ERAP1: variants seen among roughly 807,000 people sequenced by gnomAD.
ERAP1 encodes the protein endoplasmic reticulum aminopeptidase 1.
ERAP1 carries 86 observed loss-of-function variants against 103.7 expected under a neutral mutation model. The ratio of observed to expected loss-of-function variants is 0.83; its 90% CI spans 0.70 to 0.99. ERAP1 has a LOEUF of 0.99. ERAP1 is among the 50% of genes least tolerant of loss of function. The probability of loss-of-function intolerance (pLI) is 0.00; values close to 1 mark genes in which losing one functional copy is unlikely to be tolerated. For missense variants in ERAP1, 1,009 were observed against 1,128.4 expected (o/e 0.89, Z 1.52); for synonymous variants, 398 against 402.4 (o/e 0.99, Z 0.13).
the ERAP1 span, chr5:96,900,308 CCA>C: frequency 7.1e-7 from 1 of 1,410,996 alleles, no homozygotes; most frequent in South Asian, 1.7e-5. Flanking sequence ...AAGAGAGCCC[CCA>C]CGATTTTCTC....
At position 96,803,443 on chromosome 5, in the gene ERAP1, A is replaced by T. The variant is rs1488119213; in HGVS notation, c.484T>A (p.Phe162Ile). 1 of 1,612,672 alleles carries T rather than the reference A, an allele frequency of 6.2e-7. No homozygotes were observed. Among genetic ancestry groups the T allele is most frequent in the Non-Finnish European group, 8.5e-7 (1 of 1,179,712 alleles). Residue 162 changes from phenylalanine to isoleucine, a missense_variant, in exon 2 of 19, where the codon TTT (phenylalanine) becomes ATT (isoleucine). Phe to Ile is a conservative substitution (Grantham distance 21). Transcript: ENST00000443439. ...AGNLSETFHG[F>I]YKSTYRTKEG... The stretch of plus-strand genomic sequence containing the variant: ...TTGGTTCTGTAGGTGCTTTTGTAAA[A>T]TCCGTGGAAAGTCTCCGAAAGATTG...
At chr5:96,855,488 G>A in the ERAP1 span, among the ~76,000 whole-genome samples, 1 of 152,174 alleles carries the variant, frequency 6.6e-6, no homozygotes, top group South Asian at 2.1e-4. Context: ...ACCCAGGTGG[G>A]TGGGCAGCAG....
chr5:96,910,379 TAA>T, the ERAP1 span: 2 of 152,112 alleles, frequency 1.3e-5, no homozygotes, highest in East Asian at 3.8e-4. Context: ...TTCTTCTTTT[TAA>T]AAAAGTAATT....
chr5:96,850,171 C>A, the ERAP1 span, among the ~76,000 whole-genome samples: 8 of 152,100 alleles, frequency 5.3e-5, no homozygotes, highest in African/African-American at 1.9e-4. Context: ...GGAAAAGCTA[C>A]CCATTGGTCT....
the ERAP1 span, among the ~76,000 whole-genome samples, chr5:96,817,888 C>G: frequency 2.1e-3 from 323 of 152,320 alleles, 1 homozygote; most frequent in Non-Finnish European, 3.6e-3. Context: ...AATCTAGGAG[C>G]AAGGAGTCTG....
chr5:96,821,664 A>C, the ERAP1 span, among the ~76,000 whole-genome samples: 3 of 152,238 alleles, frequency 2.0e-5, no homozygotes, highest in African/African-American at 7.2e-5. Flanking sequence ...TATGTAGTCA[A>C]AGAAAGAGAC....
At chr5:96,877,171 C>T in the ERAP1 span, among the ~76,000 whole-genome samples, 1 of 152,132 alleles carries the variant, frequency 6.6e-6, no homozygotes, top group East Asian at 1.9e-4. Flanking sequence ...GGTAGGGTTT[C>T]ACCATGTTGG....
In ERAP1 at chr5:96,785,651, G is replaced by A. The variant is rs113070375; in HGVS notation, c.1943+137C>T. The A allele has an allele frequency of 4.6e-6, 4 of 877,388 alleles. No homozygotes were observed. The Admixed American group carries it at 6.6e-5, about 14-fold the overall frequency. 54.4% of individuals were successfully genotyped at this position (877,388 alleles called of 1,614,324 possible). ...ATTATAAGACTAAAAGCAATCTTGG[G>A]TTGTTAGAAGAACTTAAAGGAAAAC... On this transcript the variant is annotated intron_variant, in intron 13 of 18. Transcript: ENST00000443439.
the ERAP1 span, among the ~76,000 whole-genome samples, chr5:96,860,036 C>T: frequency 2.0e-5 from 3 of 152,058 alleles, no homozygotes; most frequent in Non-Finnish European, 4.4e-5. Context: ...TACATATTGT[C>T]TATCAATCTG....
the ERAP1 span, among the ~76,000 whole-genome samples, chr5:96,929,586 A>T: frequency 6.6e-6 from 1 of 151,672 alleles, no homozygotes; most frequent in Non-Finnish European, 1.5e-5. Flanking sequence ...GCTCACTGCA[A>T]CCTCTGCCTC....
chr5:96,891,128 G>C, the ERAP1 span, among the ~76,000 whole-genome samples: 31 of 152,050 alleles, frequency 2.0e-4, no homozygotes, highest in African/African-American at 7.2e-4. Context: ...TGTTTTTAAT[G>C]TACTAGAATT....
the ERAP1 span, among the ~76,000 whole-genome samples, chr5:96,851,024 G>C: frequency 6.6e-6 from 1 of 152,008 alleles, no homozygotes; most frequent in Non-Finnish European, 1.5e-5. Context: ...GACATGCTCA[G>C]TTTCTTTCAT....
the ERAP1 span, among the ~76,000 whole-genome samples, chr5:96,827,487 C>T: frequency 6.6e-6 from 1 of 152,072 alleles, no homozygotes; most frequent in Admixed American, 6.5e-5. Context: ...CAAGGTGAAA[C>T]CCCATCTCTG....
the ERAP1 span, among the ~76,000 whole-genome samples, chr5:96,864,199 G>A: frequency 8.5e-5 from 13 of 152,148 alleles, no homozygotes; most frequent in African/African-American, 2.9e-4. Flanking sequence ...AATGAATAAT[G>A]TTACCACTTT....
intron 19 of ERAP1, chr5:96,768,055 T>G: frequency 1.8e-6 from 2 of 1,085,480 alleles, no homozygotes; most frequent in South Asian, 2.5e-5. Context: ...TATGTGTACA[T>G]ACATATAAGT....
the ERAP1 span, chr5:96,917,705 G>A: frequency 1.1e-6 from 1 of 929,404 alleles, no homozygotes; most frequent in Non-Finnish European, 1.5e-6. Context: ...AGGAGATGGA[G>A]ACCATCCTGG....
the ERAP1 span, among the ~76,000 whole-genome samples, chr5:96,930,495 C>T: frequency 1.3e-5 from 2 of 151,804 alleles, no homozygotes; most frequent in Non-Finnish European, 2.9e-5. Flanking sequence ...AATTCCTGTT[C>T]TCTTTGCCCC....
At chr5:96,889,387 G>A in the ERAP1 span, 1 of 1,468,020 alleles carries the variant, frequency 6.8e-7, no homozygotes, top group Non-Finnish European at 9.5e-7. Context: ...CTTTCTATGT[G>A]ATTTAAATGA....
At chr5:96,914,864 TTTC>T in the ERAP1 span, among the ~76,000 whole-genome samples, 2 of 152,138 alleles carry the variant, frequency 1.3e-5, no homozygotes, top group African/African-American at 4.8e-5. Context: ...GTGTCTATTA[TTTC>T]TTATCTAATT....
Sources: gnomAD v4.1 joint callset for allele counts (sites outside exome capture counted in the v4.1 genomes callset) on GRCh38, gnomAD v4.1.1 for gene constraint, MANE v1.5 for transcripts, NCBI Gene and HGNC (gene_info 2026-07-23, HGNC 2026-07-21) for gene names.